SLC24A2: variants seen among roughly 807,000 people sequenced by gnomAD.
The protein encoded by SLC24A2 is solute carrier family 24 member 2, also known as sodium/potassium/calcium exchanger 2.
Under a neutral mutation model 62.0 loss-of-function variants are expected in SLC24A2, and 36 were observed. The observed-to-expected ratio is 0.58, with a 90% CI of 0.44 to 0.77. SLC24A2 has a LOEUF of 0.77. Among genes scored for constraint, SLC24A2 ranks in the 30% least tolerant of loss-of-function variants. The pLI is 0.00. For missense variants in SLC24A2, 846 were observed against 817.9 expected (o/e 1.03, Z -0.42); for synonymous variants, 358 against 294.0 (o/e 1.22, Z -2.23).
At chr9:20,164,839 A>G in the SLC24A2 span, among the ~76,000 whole-genome samples, 1 of 151,830 alleles carries the variant, frequency 6.6e-6, no homozygotes. Context: ...TTTTAGGGAC[A>G]TGGATGAAAT....
intron 2 of SLC24A2, among the ~76,000 whole-genome samples, chr9:19,754,559 C>T (rs1822078764): frequency 6.6e-6 from 1 of 152,036 alleles, no homozygotes. Context: ...TAGGTTCAGC[C>T]AATCAGACAC....
the SLC24A2 span, among the ~76,000 whole-genome samples, chr9:20,199,258 G>C: frequency 6.6e-6 from 1 of 152,198 alleles, no homozygotes; most frequent in African/African-American, 2.4e-5. Context: ...GCGGGATAGA[G>C]TCCAGTCTGA....
intron 5 of SLC24A2, among the ~76,000 whole-genome samples, chr9:19,582,651 A>C (rs967151720): frequency 2.0e-5 from 3 of 152,156 alleles, no homozygotes; most frequent in Non-Finnish European, 4.4e-5. Flanking sequence ...TTAAAAAGCA[A>C]AAGTGTGTCT....
In SLC24A2 at chr9:19,788,993, A is replaced by C; in HGVS notation, c.-262T>G. 1 of 966,234 alleles carries C rather than the reference A, an allele frequency of 1.0e-6. No homozygotes were observed. The highest frequency in any genetic ancestry group is 1.8e-5 in the African/African-American group (1 of 57,010). 59.9% of individuals were successfully genotyped at this position (966,234 alleles called of 1,614,324 possible). ...CTCTGAGGCCCGGGCTCTGGCTCGC[A>C]CTGGCTGCCGCTCTCGCCAGCCGGG... On this transcript the variant is annotated 5_prime_UTR_variant, in exon 1 of 11. Transcript: ENST00000341998.
chr9:19,530,263 G>A (rs373026996), intron 8 of SLC24A2, among the ~76,000 whole-genome samples: 91 of 152,070 alleles, frequency 6.0e-4, no homozygotes, highest in African/African-American at 2.1e-3. Context: ...TTCCATGGCT[G>A]TGCTCTGTTA....
chr9:20,250,625 T>C, the SLC24A2 span, among the ~76,000 whole-genome samples: 8 of 152,082 alleles, frequency 5.3e-5, no homozygotes, highest in African/African-American at 1.9e-4. Flanking sequence ...CTCATGTGAG[T>C]GTGCTGAACA....
intron 2 of SLC24A2, among the ~76,000 whole-genome samples, chr9:19,700,655 C>T (rs562156091): frequency 1.5e-4 from 23 of 152,234 alleles, no homozygotes; most frequent in Non-Finnish European, 2.5e-4. Flanking sequence ...AGGGTAAGAA[C>T]GTCCTTGCTT....
intron 2 of SLC24A2, among the ~76,000 whole-genome samples, chr9:19,777,640 T>C (rs1536527): frequency 0.054 from 8,171 of 152,188 alleles, 705 homozygotes; most frequent in East Asian, 0.42. Flanking sequence ...ATATATTCAA[T>C]ATGGTAAATA....
the SLC24A2 span, among the ~76,000 whole-genome samples, chr9:20,035,385 G>C: frequency 5.3e-5 from 8 of 152,176 alleles, no homozygotes; most frequent in Non-Finnish European, 1.2e-4. Context: ...ACTTAATTAA[G>C]ATGTATAAGT....
chr9:19,618,259 G>T (rs1817819582), intron 4 of SLC24A2, among the ~76,000 whole-genome samples: 2 of 152,056 alleles, frequency 1.3e-5, no homozygotes, highest in African/African-American at 2.4e-5. Context: ...CTTCTCTGGG[G>T]GTATATCCCA....
the SLC24A2 span, among the ~76,000 whole-genome samples, chr9:19,890,664 A>G: frequency 6.6e-6 from 1 of 152,024 alleles, no homozygotes; most frequent in Admixed American, 6.6e-5. Flanking sequence ...ATTCCATCAC[A>G]TAGCTTTTTT....
At chr9:19,729,859 A>G (rs1028845875) in intron 2 of SLC24A2, among the ~76,000 whole-genome samples, 1 of 152,130 alleles carries the variant, frequency 6.6e-6, no homozygotes, top group African/African-American at 2.4e-5. Flanking sequence ...AGTAGCTAGA[A>G]GAAGGATATT....
intron 2 of SLC24A2, among the ~76,000 whole-genome samples, chr9:19,664,183 C>T (rs549904870): frequency 3.3e-5 from 5 of 152,288 alleles, no homozygotes; most frequent in African/African-American, 7.2e-5. Context: ...GTCTGTATAT[C>T]CTGCTATAAA....
At chr9:19,891,560 G>A in the SLC24A2 span, among the ~76,000 whole-genome samples, 3 of 152,194 alleles carry the variant, frequency 2.0e-5, no homozygotes, top group Middle Eastern at 3.4e-3. Context: ...AGGAAGAGGA[G>A]GCAGATATGC....
the SLC24A2 span, among the ~76,000 whole-genome samples, chr9:19,916,052 T>C: frequency 7.2e-5 from 11 of 152,062 alleles, no homozygotes; most frequent in African/African-American, 2.4e-4. Context: ...TATATTTTGG[T>C]AAGCCTTAGA....
At chr9:19,833,433 T>C in the SLC24A2 span, among the ~76,000 whole-genome samples, 10 of 152,194 alleles carry the variant, frequency 6.6e-5, no homozygotes, top group Admixed American at 3.9e-4. Flanking sequence ...GATTATATCC[T>C]GCACCTGGCT....
chr9:19,580,634 G>A (rs1342629001), intron 5 of SLC24A2, among the ~76,000 whole-genome samples: 1 of 152,198 alleles, frequency 6.6e-6, no homozygotes, highest in African/African-American at 2.4e-5. Flanking sequence ...CAGCAAACAA[G>A]GTGTGTGTGT....
the SLC24A2 span, among the ~76,000 whole-genome samples, chr9:19,903,050 T>TC: frequency 6.6e-6 from 1 of 151,930 alleles, no homozygotes; most frequent in Admixed American, 6.6e-5. Context: ...TTTTTTTTTT[T>TC]TTAATAAGCA....
At chr9:20,289,851 T>C in the SLC24A2 span, among the ~76,000 whole-genome samples, 1 of 152,146 alleles carries the variant, frequency 6.6e-6, no homozygotes, top group Non-Finnish European at 1.5e-5. Context: ...GTGTACTGGG[T>C]TGGCACAGAA....
Sources: allele counts gnomAD v4.1 joint callset (sites outside exome capture counted in the v4.1 genomes callset), GRCh38; gene constraint gnomAD v4.1.1; transcripts MANE v1.5; gene names NCBI Gene and HGNC (gene_info 2026-07-23, HGNC 2026-07-21).